Variants in DCDC1 observed in about 807,000 individuals in gnomAD.
DCDC1 encodes doublecortin domain-containing protein 1.
DCDC1 carries 200 observed loss-of-function variants against 178.3 expected under a neutral mutation model. The ratio of observed to expected loss-of-function variants is 1.12; its 90% CI spans 1.00 to 1.26. The LOEUF (loss-of-function observed/expected upper bound fraction) is 1.26. Among genes scored for constraint, DCDC1 ranks in the 50% most tolerant of loss-of-function variants. The pLI is 0.00. For missense variants in DCDC1, 1,983 were observed against 1,749.2 expected, an observed-to-expected ratio of 1.13 and a Z score of -2.38; for synonymous variants, 690 against 604.8, an observed-to-expected ratio of 1.14 and a Z score of -2.07.
At chr11:30,920,652 T>G in intron 25 of DCDC1, 124 bp downstream of exon 25, 1 of 1,146,632 alleles carries the variant, frequency 8.7e-7, no homozygotes, top group East Asian at 2.6e-5. Context: ...TACTAGCTCT[T>G]CAGCTGCCAT....
At chr11:31,138,677 A>G (rs1015192902) in intron 9 of DCDC1, among the ~76,000 whole-genome samples, 1 of 152,208 alleles carries the variant, frequency 6.6e-6, no homozygotes, top group Non-Finnish European at 1.5e-5. Flanking sequence ...TAGTGTTGTT[A>G]TTTGAAGTAA....
chr11:31,182,621 A>AC (rs1968956925), intron 9 of DCDC1, among the ~76,000 whole-genome samples: 1 of 152,152 alleles, frequency 6.6e-6, no homozygotes, highest in Non-Finnish European at 1.5e-5. Flanking sequence ...AACAACAACA[A>AC]AACAGTACCA....
chr11:30,887,071 A>G (rs1279108915), intron 36 of DCDC1, among the ~76,000 whole-genome samples: 1 of 152,204 alleles, frequency 6.6e-6, no homozygotes, highest in Admixed American at 6.5e-5. Context: ...ATGTAAAGTC[A>G]ATAAATTTAG....
In DCDC1 at chr11:30,873,358, T is replaced by TAGAGAG. The variant is rs1185841948; in HGVS notation, c.*40+5185_*40+5186insCTCTCT. Among the ~76,000 whole-genome samples, 241 of 138,032 alleles carry TAGAGAG rather than the reference T, an allele frequency of 1.7e-3. 2 individuals are homozygous for TAGAGAG. Among genetic ancestry groups the TAGAGAG allele is most frequent in the African/African-American group, 5.5e-3 (192 of 35,070 alleles). 90.6% of individuals were successfully genotyped at this position (138,032 alleles called of 152,430 possible). On this transcript the variant is annotated intron_variant, in intron 38 of 38. Transcript: ENST00000684477. ...GTGTGTATATACATATATATATATATATATATAGAGAGAGAGAGAGAGAGA... is the reference window on the plus strand; with the variant it reads ...GTGTGTATATACATATATATATATATAGAGAGATATATAGAGAGAGAGAGAGAGAGA...
intron 20 of DCDC1, among the ~76,000 whole-genome samples, chr11:31,035,435 T>C (rs996860157): frequency 2.0e-5 from 3 of 152,240 alleles, no homozygotes; most frequent in Non-Finnish European, 4.4e-5. Context: ...CCCTTGTCTT[T>C]CATGACGTTT....
At position 31,335,445 on chromosome 11, in the gene DCDC1, A is replaced by G. The variant is rs1950222932; in HGVS notation, c.-7+2T>C. ...CCAGTCCCAATGAGATGAACCAGGT[A>G]CCTTAGTTGGAAATGCAGAAATCAC... is the stretch of plus-strand genomic sequence containing the variant. On this transcript the variant is annotated splice_donor_variant, in intron 2 of 38. Coordinates refer to ENST00000684477, the MANE Select transcript of DCDC1 (RefSeq NM_001387274.1). LOFTEE classifies it low-confidence loss of function (5UTR_SPLICE). The G allele has an allele frequency of 6.6e-6, 1 of 152,200 alleles. No homozygotes were observed. Among genetic ancestry groups the G allele is most frequent in the Non-Finnish European group, 1.5e-5 (1 of 68,070 alleles). The allele number at this position is 152,200 out of a possible 1,614,324, so 9.4% of individuals were successfully genotyped here. A position where few individuals can be genotyped will look rare whatever the true frequency, so the allele number is the denominator to read the frequency against.
At chr11:31,368,992 C>T (rs1952124963) in intron 1 of DCDC1, among the ~76,000 whole-genome samples, 1 of 152,084 alleles carries the variant, frequency 6.6e-6, no homozygotes, top group South Asian at 2.1e-4. Context: ...CAAACCCCAA[C>T]AGTGCCCATA....
At chr11:31,211,393 G>A (rs1264228954) in intron 9 of DCDC1, among the ~76,000 whole-genome samples, 4 of 152,282 alleles carry the variant, frequency 2.6e-5, no homozygotes, top group East Asian at 3.9e-4. Flanking sequence ...CTCAAAATGC[G>A]TGACTACTAT....
chr11:30,894,113 G>T (rs1944007580), intron 35 of DCDC1, 135 bp downstream of exon 35: 1 of 1,218,636 alleles, frequency 8.2e-7, no homozygotes, highest in Non-Finnish European at 1.1e-6. Context: ...TCAATGCTTG[G>T]CATATGCTTA....
chr11:30,866,866 G>A (rs1383353418), intron 38 of DCDC1, among the ~76,000 whole-genome samples: 1 of 152,026 alleles, frequency 6.6e-6, no homozygotes, highest in Non-Finnish European at 1.5e-5. Flanking sequence ...GGGTCATGAG[G>A]GATTTACCCT....
chr11:30,930,278 G>A (rs1392872530), intron 22 of DCDC1, among the ~76,000 whole-genome samples: 1 of 152,046 alleles, frequency 6.6e-6, no homozygotes, highest in Non-Finnish European at 1.5e-5. Flanking sequence ...TCTGAAGCTG[G>A]ACAACCAGCC....
At chr11:31,095,784 A>G (rs1175576720) in intron 15 of DCDC1, among the ~76,000 whole-genome samples, 1 of 152,218 alleles carries the variant, frequency 6.6e-6, no homozygotes, top group African/African-American at 2.4e-5. Flanking sequence ...CATCACTTGT[A>G]GGAATTCTAT....
chr11:30,999,507 G>T (rs1350016478), intron 20 of DCDC1, among the ~76,000 whole-genome samples: 1 of 152,030 alleles, frequency 6.6e-6, no homozygotes, highest in Admixed American at 6.6e-5. Context: ...TGTTTTCCAA[G>T]AATTTTCAAT....
intron 3 of DCDC1, among the ~76,000 whole-genome samples, chr11:31,310,502 G>A (rs920766004): frequency 6.6e-6 from 1 of 151,562 alleles, no homozygotes; most frequent in Non-Finnish European, 1.5e-5. Flanking sequence ...TGTATTTTTA[G>A]TAGAGACGGT....
chr11:31,082,636 T>C (rs925371723), intron 17 of DCDC1, among the ~76,000 whole-genome samples: 4 of 151,380 alleles, frequency 2.6e-5, no homozygotes, highest in Non-Finnish European at 4.4e-5. Context: ...ATGTGTGTAA[T>C]ACATCTACAC....
At chr11:31,012,119 T>C (rs902699751) in intron 20 of DCDC1, among the ~76,000 whole-genome samples, 25 of 152,206 alleles carry the variant, frequency 1.6e-4, no homozygotes. Context: ...CCTTCTGCCA[T>C]GATTATAAGT....
intron 20 of DCDC1, among the ~76,000 whole-genome samples, chr11:30,962,039 T>C (rs1949128280): frequency 6.6e-6 from 1 of 152,032 alleles, no homozygotes; most frequent in Non-Finnish European, 1.5e-5. Flanking sequence ...CTGTATGAAA[T>C]ATTTTAGCCC....
chr11:31,215,168 A>G, intron 9 of DCDC1: 1 of 251,434 alleles, frequency 4.0e-6, no homozygotes, highest in Non-Finnish European at 8.2e-6. Flanking sequence ...AGTGGCTCAC[A>G]CCTGTAGTCT....
chr11:31,107,632 G>C (rs1339388988), intron 12 of DCDC1, among the ~76,000 whole-genome samples: 1 of 152,134 alleles, frequency 6.6e-6, no homozygotes, highest in Non-Finnish European at 1.5e-5. Context: ...TGCATTTAGA[G>C]TCTCTAAATT....
Sources: gnomAD v4.1 joint callset for allele counts (sites outside exome capture counted in the v4.1 genomes callset) on GRCh38, gnomAD v4.1.1 for gene constraint, MANE v1.5 for transcripts, NCBI Gene and HGNC (gene_info 2026-07-23, HGNC 2026-07-21) for gene names.